Variants in OR6F1 observed in about 807,000 individuals in gnomAD.
The protein encoded by OR6F1 is olfactory receptor family 6 subfamily F member 1.
For missense variants in OR6F1, 346 were observed against 376.0 expected, an observed-to-expected ratio of 0.92 and a Z score of 0.66; for synonymous variants, 144 against 150.0, an observed-to-expected ratio of 0.96 and a Z score of 0.29.
chr1:247,714,326 AG>A (rs1660066886), intron 1 of OR6F1, among the ~76,000 whole-genome samples: 1 of 152,162 alleles, frequency 6.6e-6, no homozygotes, highest in African/African-American at 2.4e-5. Flanking sequence ...ATCCTAGAGA[AG>A]GCAACAGAGG....
chr1:247,715,966 C>T (rs1487236877), intron 1 of OR6F1, among the ~76,000 whole-genome samples: 1 of 151,924 alleles, frequency 6.6e-6, no homozygotes. Context: ...ACAAATTTAC[C>T]CATCTGGCGG....
rs1660019969 is a variant in OR6F1, at chr1:247,712,279, G to A, written c.477C>T (p.Pro159=). 1 of 1,614,158 alleles carries A rather than the reference G, an allele frequency of 6.2e-7. No individual in the cohort carries two copies. The highest frequency in any genetic ancestry group is 1.3e-5 in the African/African-American group (1 of 75,066). The change falls in exon 3 of 3, where the codon CCC becomes CCT. Residue 159 remains proline (P), a synonymous_variant. Coordinates refer to ENST00000641470, the MANE Select transcript of OR6F1 (RefSeq NM_001005286.2). ...AGGACAGGCCACTGATGAGGGCTGTGGGCACTGCAATGGCCACGAAACCAC... is the reference window on the plus strand; with the variant it reads ...AGGACAGGCCACTGATGAGGGCTGTAGGCACTGCAATGGCCACGAAACCAC... The part of the protein sequence containing the change: ...WVCGFVAIAV[P]TALISGLSFC...
chr1:247,712,535 G>T lies in OR6F1; in HGVS notation c.221C>A (p.Thr74Asn). Residue 74 changes from threonine to asparagine, a missense_variant, in exon 3 of 3, where the codon ACC becomes AAC. By Grantham distance (65) the Thr-to-Asn change is moderately conservative. Transcript: ENST00000641470. ...SNLSFLEIWY[T>N]TAAVPKALAI... is the part of the protein sequence containing the mutation. ...CAGTGCTTTGGGCACTGCTGCTGTG[G>T]TATACCAAATCTCCAGGAAGGAGAG... 8 of 1,613,768 alleles carry T rather than the reference G, an allele frequency of 5.0e-6. No individual in the cohort carries two copies. Among genetic ancestry groups the T allele is most frequent in the Admixed American group, 1.7e-5 (1 of 60,032 alleles).
Position 247,711,847 on chromosome 1 carries a change from C to A in OR6F1, c.909G>T (p.Lys303Asn), listed in dbSNP as rs776957899. The A allele has an allele frequency of 6.2e-7, 1 of 1,611,464 alleles. No individual in the cohort carries two copies. Among genetic ancestry groups the A allele is most frequent in the Admixed American group, 1.7e-5 (1 of 59,948 alleles). Residue 303 changes from lysine to asparagine, a missense_variant, in exon 3 of 3, where the codon AAG becomes AAT. Transcript: ENST00000641470. Reference protein sequence around the residue: ...RNKEVRETLLKKWKGK With the variant: ...RNKEVRETLLNKWKGK ...AGGAGATTTATTTTCCCTTCCATTT[C>A]TTCAGCAGAGTCTCTCTTACTTCCT...
rs1247640885 is a variant in OR6F1 at position 247,712,548 on chromosome 1, C to T, written c.208G>A (p.Glu70Lys). Residue 70 changes from glutamate to lysine, a missense_variant, in exon 3 of 3, where the codon GAG becomes AAG. Physicochemically the swap from Glu to Lys is moderately conservative, Grantham distance 56. Coordinates refer to ENST00000641470, the MANE Select transcript of OR6F1 (RefSeq NM_001005286.2). ...ACTGCTGCTGTGGTATACCAAATCT[C>T]CAGGAAGGAGAGGTTGCTCAGAAAG... ...YFFLSNLSFL[E>K]IWYTTAAVPK... 2 of 1,613,876 alleles carry T rather than the reference C, an allele frequency of 1.2e-6. No individual in the cohort carries two copies. Among genetic ancestry groups the T allele is most frequent in the Non-Finnish European group, 1.7e-6 (2 of 1,179,896 alleles).
In OR6F1 at chr1:247,712,308, C is replaced by A; in HGVS notation, c.448G>T (p.Val150Leu). The change falls in exon 3 of 3, where the codon GTG (valine) becomes TTG (leucine). Residue 150 changes from valine (V) to leucine (L), a missense_variant. Val to Leu is a conservative substitution (Grantham distance 32, BLOSUM62 1). Coordinates refer to ENST00000641470, the MANE Select transcript of OR6F1 (RefSeq NM_001005286.2). ...LSAQLALGSW[V>L]CGFVAIAVPT... ...ACTGCAATGGCCACGAAACCACACA[C>A]CCAGGAGCCCAGGGCCAGCTGCGCT... 1 of 1,614,150 alleles carries A rather than the reference C, an allele frequency of 6.2e-7. No homozygotes were observed. The highest frequency in any genetic ancestry group is 8.5e-7 in the Non-Finnish European group (1 of 1,179,996).
At position 247,713,924 on chromosome 1, in the gene OR6F1, C is replaced by G. The variant is rs1462174322; in HGVS notation, c.-96G>C. On this transcript the variant is annotated 5_prime_UTR_variant, in exon 2 of 3. Coordinates refer to ENST00000641470, the MANE Select transcript of OR6F1 (RefSeq NM_001005286.2). ...TGGCAGAAGGGGCTTCCAAGCAGTG[C>G]TTCTCAAGCTCTAATGGGCACATGA... The G allele has an allele frequency of 2.5e-6, 1 of 398,566 alleles. No homozygotes were observed. The highest frequency in any genetic ancestry group is 4.4e-6 in the Non-Finnish European group (1 of 226,040). The allele number at this position is 398,566 out of a possible 1,614,324, so 24.7% of individuals were successfully genotyped here. A position where few individuals can be genotyped will look rare whatever the true frequency, so the allele number is the denominator to read the frequency against.
At chr1:247,713,483 A>T (rs1660049871) in intron 2 of OR6F1, among the ~76,000 whole-genome samples, 1 of 152,236 alleles carries the variant, frequency 6.6e-6, no homozygotes, top group Non-Finnish European at 1.5e-5. Flanking sequence ...CCTGATGCCC[A>T]CTTGGAAGTG....
rs1283058259 is a variant in OR6F1, at chr1:247,711,983, A to G, written c.773T>C (p.Leu258Pro). Residue 258 changes from leucine to proline, a missense_variant, in exon 3 of 3, where the codon CTT becomes CCT. Transcript: ENST00000641470. ...ATCTTTGATAGAGGTGCGGACGTGA[A>G]GGAAAACTGTGGACCCATACCAAAT... is the stretch of plus-strand genomic sequence containing the variant. ...VLIWYGSTVF[L>P]HVRTSIKDAL... The G allele has an allele frequency of 6.2e-7, 1 of 1,614,102 alleles. No individual in the cohort carries two copies. Among genetic ancestry groups the G allele is most frequent in the Non-Finnish European group, 8.5e-7 (1 of 1,180,028 alleles).
At position 247,711,642 on chromosome 1, in the gene OR6F1, C is replaced by T; in HGVS notation, c.*187G>A. 6.2e-6 allele frequency: 3 copies of T among 483,968 alleles called. No individual in the cohort carries two copies. The highest frequency in any genetic ancestry group is 1.1e-5 in the Non-Finnish European group (3 of 275,544). 30.0% of individuals were successfully genotyped at this position (483,968 alleles called of 1,614,324 possible). A position where few individuals can be genotyped will look rare whatever the true frequency, so the allele number is the denominator to read the frequency against. On this transcript the variant is annotated 3_prime_UTR_variant, in exon 3 of 3. Coordinates refer to ENST00000641470, the MANE Select transcript of OR6F1 (RefSeq NM_001005286.2). ...ATTTTTTGCTTAAAAATCCCATTTG[C>T]TTATGTCAAAAACTCCCATTTTTAT...
rs181327106 is a variant in OR6F1, at chr1:247,716,335, T to C, written c.-131A>G. 5 of 152,224 alleles carry C rather than the reference T, an allele frequency of 3.3e-5. No individual in the cohort carries two copies. The highest frequency in any genetic ancestry group is 6.5e-5 in the Admixed American group (1 of 15,276). 9.4% of individuals were successfully genotyped at this position (152,224 alleles called of 1,614,324 possible). On this transcript the variant is annotated 5_prime_UTR_variant, in exon 1 of 3. Transcript: ENST00000641470. The stretch of plus-strand genomic sequence containing the variant: ...ATAATCACCCTTTTCACTTACCCAG[T>C]TGAAATTCTTTCTGCCATAAACTCC...
chr1:247,712,783 C>A lies in OR6F1; in HGVS notation c.-28G>T, dbSNP rs1322722775. ...TGGTACTGAAACCAGAAAACAGAGT[C>A]CCCGCACTGAGCCCTTTAACCCAAT... On this transcript the variant is annotated 5_prime_UTR_variant, in exon 3 of 3. Transcript: ENST00000641470. 1.5e-6 allele frequency: 2 copies of A among 1,376,262 alleles called. No homozygotes were observed. The highest frequency in any genetic ancestry group is 2.4e-5 in the South Asian group (2 of 82,096). The allele number at this position is 1,376,262 out of a possible 1,614,324, so 85.3% of individuals were successfully genotyped here.
rs1572459920 is a variant in OR6F1, at chr1:247,711,737, G to A, written c.*92C>T. 3 of 777,380 alleles carry A rather than the reference G, an allele frequency of 3.9e-6. No individual in the cohort carries two copies. The highest frequency in any genetic ancestry group is 6.5e-6 in the Non-Finnish European group (3 of 463,110). The allele number at this position is 777,380 out of a possible 1,614,324, so 48.2% of individuals were successfully genotyped here. The stretch of plus-strand genomic sequence containing the variant: ...TGTTTGTTTTTTCTCTGTGTACCAA[G>A]AAAGATTTGCCCTATTCCTCCACAT... On this transcript the variant is annotated 3_prime_UTR_variant, in exon 3 of 3. Coordinates refer to ENST00000641470, the MANE Select transcript of OR6F1 (RefSeq NM_001005286.2).
At position 247,712,230 on chromosome 1, in the gene OR6F1, G is replaced by T; in HGVS notation, c.526C>A (p.His176Asn). 1 of 1,614,094 alleles carries T rather than the reference G, an allele frequency of 6.2e-7. No individual in the cohort carries two copies. Among genetic ancestry groups the T allele is most frequent in the East Asian group, 2.2e-5 (1 of 44,888 alleles). The stretch of plus-strand genomic sequence containing the variant: ...CAGGGTGCAATGTCACAGAAGAAGT[G>T]GTTGATGGCACGGGGGCCACAGAAG... ...LSFCGPRAINHFFCDIAPWIA... is the reference protein window; with the variant it reads ...LSFCGPRAINNFFCDIAPWIA... The change falls in exon 3 of 3, where the codon CAC becomes AAC. Residue 176 changes from histidine to asparagine, a missense_variant. His to Asn is a moderately conservative substitution (Grantham distance 68). Coordinates refer to ENST00000641470, the MANE Select transcript of OR6F1 (RefSeq NM_001005286.2).
chr1:247,712,596 G>A lies in OR6F1; in HGVS notation c.160C>T (p.Gln54Ter), dbSNP rs994670459. 4.3e-6 allele frequency: 7 copies of A among 1,614,050 alleles called. No individual in the cohort carries two copies. The Admixed American group carries it at 1.0e-4, about 23-fold the overall frequency. ...AAGAAGTACATGGGGGTATGCAACT[G>A]ATGGGAGGTGCTCACCAACATCAAG... Reference protein sequence around the residue: ...AILMLVSTSHQLHTPMYFFLS... With the variant: ...AILMLVSTSH Residue 54 changes from glutamine to a stop codon, truncating the protein, a stop_gained, in exon 3 of 3, where the codon CAG becomes TAG. Transcript: ENST00000641470. LOFTEE classifies it low-confidence loss of function (END_TRUNC).
At position 247,712,751 on chromosome 1, in the gene OR6F1, T is replaced by A; in HGVS notation, c.5A>T (p.Asp2Val). ...CTGGGGCAGAGTTTTGTTGCCTGTG[T>A]CCATTGTGGTACTGAAACCAGAAAA... M[D>V]TGNKTLPQDF... The change falls in exon 3 of 3, where the codon GAC becomes GTC. Residue 2 changes from aspartate to valine, a missense_variant. Physicochemically the swap from Asp to Val is radical, Grantham distance 152 (BLOSUM62 -3). Coordinates refer to ENST00000641470, the MANE Select transcript of OR6F1 (RefSeq NM_001005286.2). 6.3e-7 allele frequency: 1 copy of A among 1,596,120 alleles called. No individual in the cohort carries two copies. The highest frequency in any genetic ancestry group is 8.5e-7 in the Non-Finnish European group (1 of 1,175,484).
chr1:247,715,069 T>C (rs1423964912), intron 1 of OR6F1, among the ~76,000 whole-genome samples: 1 of 152,210 alleles, frequency 6.6e-6, no homozygotes, highest in East Asian at 1.9e-4. Context: ...TTTATCCTAC[T>C]TGTTTCACAA....
At position 247,711,836 on chromosome 1, in the gene OR6F1, C is replaced by T. The variant is rs866322456; in HGVS notation, c.920G>A (p.Gly307Glu). 1.2e-6 allele frequency: 2 copies of T among 1,605,554 alleles called. No individual in the cohort carries two copies. The highest frequency in any genetic ancestry group is 1.3e-5 in the African/African-American group (1 of 74,652). Residue 307 changes from glycine (G) to glutamate (E), a missense_variant, in exon 3 of 3, where the codon GGA (glycine) becomes GAA (glutamate). Coordinates refer to ENST00000641470, the MANE Select transcript of OR6F1 (RefSeq NM_001005286.2). ...VRETLLKKWK[G>E]K The stretch of plus-strand genomic sequence containing the variant: ...TGTTGTGGTAGAGGAGATTTATTTT[C>T]CCTTCCATTTCTTCAGCAGAGTCTC...
In OR6F1 at chr1:247,712,025, T is replaced by A; in HGVS notation, c.731A>T (p.His244Leu). The change falls in exon 3 of 3, where the codon CAT becomes CTT. Residue 244 changes from histidine (H) to leucine (L), a missense_variant. His to Leu is a moderately conservative substitution (Grantham distance 99). Coordinates refer to ENST00000641470, the MANE Select transcript of OR6F1 (RefSeq NM_001005286.2). ...ATACCAAATGAGCACCACGGTGAGA[T>A]GCGAGGAGCACGTGGAGAAGGCTTT... ...RSKAFSTCSS[H>L]LTVVLIWYGS... 6.2e-7 allele frequency: 1 copy of A among 1,614,158 alleles called. No individual in the cohort carries two copies. The highest frequency in any genetic ancestry group is 8.5e-7 in the Non-Finnish European group (1 of 1,180,014).
Sources: gnomAD v4.1 joint callset for allele counts (sites outside exome capture counted in the v4.1 genomes callset) on GRCh38, gnomAD v4.1.1 for gene constraint, MANE v1.5 for transcripts, NCBI Gene and HGNC (gene_info 2026-07-23, HGNC 2026-07-21) for gene names.